TGFBRAP1: variants seen among roughly 807,000 people sequenced by gnomAD.
TGFBRAP1 encodes the protein transforming growth factor-beta receptor-associated protein 1.
TGFBRAP1 carries 20 observed loss-of-function variants against 83.2 expected under a neutral mutation model. The observed-to-expected ratio is 0.24, with a 90% CI of 0.17 to 0.35. TGFBRAP1 has a LOEUF of 0.35. Ranked by LOEUF, TGFBRAP1 falls within the 10% of genes least tolerant of loss-of-function variation. The probability of loss-of-function intolerance (pLI) is 1.00; values close to 1 mark genes in which losing one functional copy is unlikely to be tolerated. For synonymous variants in TGFBRAP1, 415 were observed against 459.8 expected (o/e 0.90, Z 1.25); for missense variants, 950 against 1,099.4 (o/e 0.86, Z 1.92).
At position 105,267,150 on chromosome 2, in the gene TGFBRAP1, T is replaced by G. The variant is rs543988534; in HGVS notation, c.*233A>C. On this transcript the variant is annotated 3_prime_UTR_variant, in exon 12 of 12. Coordinates refer to ENST00000393359, the MANE Select transcript of TGFBRAP1 (RefSeq NM_004257.6). ...GGTGAACTCTTGTATGTTTCTGTTT[T>G]GGGGATTTTTAGGGGTTTTCCATGT... 26 of 522,372 alleles carry G rather than the reference T, an allele frequency of 5.0e-5. No individual in the cohort carries two copies. Among genetic ancestry groups the G allele is most frequent in the African/African-American group, 3.5e-4 (18 of 51,730 alleles). 32.4% of individuals were successfully genotyped at this position (522,372 alleles called of 1,614,324 possible). A position where few individuals can be genotyped will look rare whatever the true frequency, so the allele number is the denominator to read the frequency against.
At chr2:105,296,824 G>T (rs760874397) in intron 3 of TGFBRAP1, among the ~76,000 whole-genome samples, 1 of 123,624 alleles carries the variant, frequency 8.1e-6, no homozygotes, top group Non-Finnish European at 1.6e-5. Flanking sequence ...TGTAGTAAAC[G>T]CATAATACAT....
chr2:105,279,989 G>C (rs1348024161), intron 6 of TGFBRAP1, among the ~76,000 whole-genome samples: 1 of 150,832 alleles, frequency 6.6e-6, no homozygotes, highest in East Asian at 2.0e-4. Context: ...AGTGAGCTGA[G>C]ATCACACCAC....
chr2:105,305,089 T>A (rs1678451069), intron 2 of TGFBRAP1, among the ~76,000 whole-genome samples: 1 of 152,178 alleles, frequency 6.6e-6, no homozygotes, highest in Non-Finnish European at 1.5e-5. Context: ...GCTAATGATG[T>A]GCCCCCTGTA....
chr2:105,268,360 A>C (rs1677020443), intron 11 of TGFBRAP1, among the ~76,000 whole-genome samples: 1 of 152,218 alleles, frequency 6.6e-6, no homozygotes, highest in Admixed American at 6.5e-5. Context: ...ACAGCTGTGA[A>C]TGCGAACACC....
intron 4 of TGFBRAP1, 107 bp downstream of exon 4, chr2:105,296,249 G>A: frequency 1.5e-6 from 2 of 1,309,866 alleles, no homozygotes; most frequent in Non-Finnish European, 2.1e-6. Context: ...TATAAAAGCA[G>A]TGTGTACAGC....
chr2:105,250,907 C>T, the TGFBRAP1 span, among the ~76,000 whole-genome samples: 3 of 152,240 alleles, frequency 2.0e-5, no homozygotes, highest in South Asian at 2.1e-4. Flanking sequence ...CTGCCAGCCT[C>T]GGCCTCCCAA....
intron 8 of TGFBRAP1, among the ~76,000 whole-genome samples, chr2:105,275,305 C>T (rs1004932845): frequency 6.6e-6 from 1 of 152,218 alleles, no homozygotes; most frequent in Non-Finnish European, 1.5e-5. Context: ...CTATGTCTTG[C>T]TTTTCTATAC....
chr2:105,329,702 CT>C lies in TGFBRAP1; in HGVS notation c.-96del, dbSNP rs1175459278. ...CCCGCTCCGGCCCGCGGCTCCTGGG[CT>C]GGCCCGACCCCGCAGCCGCCGCTTC... On this transcript the variant is annotated 5_prime_UTR_variant, in exon 1 of 12. Transcript: ENST00000393359. The C allele has an allele frequency of 1.4e-5, 2 of 147,084 alleles. No homozygotes were observed. Among genetic ancestry groups the C allele is most frequent in the East Asian group, 2.0e-4 (1 of 5,076 alleles). 9.1% of individuals were successfully genotyped at this position (147,084 alleles called of 1,614,324 possible).
intron 1 of TGFBRAP1, among the ~76,000 whole-genome samples, chr2:105,321,632 G>T (rs1679071278): frequency 6.6e-6 from 1 of 152,178 alleles, no homozygotes; most frequent in Non-Finnish European, 1.5e-5. Context: ...GGGGAAAACT[G>T]AACACAGTGG....
intron 11 of TGFBRAP1, among the ~76,000 whole-genome samples, chr2:105,268,199 A>T (rs1677011253): frequency 6.6e-6 from 1 of 152,356 alleles, no homozygotes; most frequent in East Asian, 1.9e-4. Context: ...GCAGCAACTT[A>T]GCGATTCATC....
rs1448715098 is a variant in TGFBRAP1 at position 105,304,807 on chromosome 2, A to G, written c.688+2807T>C. The stretch of plus-strand genomic sequence containing the variant: ...TGGGGGTGGGAAAAGAGAAAACCCT[A>G]TGACTAAGCGAAAGAAGCCAATCTG... On this transcript the variant is annotated intron_variant, in intron 2 of 11. Transcript: ENST00000393359. Among the ~76,000 whole-genome samples, 3 of 152,172 alleles carry G rather than the reference A, an allele frequency of 2.0e-5. No individual in the cohort carries two copies. The East Asian group carries it at 5.8e-4, about 29-fold the overall frequency.
chr2:105,275,753 A>C lies in TGFBRAP1; in HGVS notation c.1522-50T>G, dbSNP rs1677319625. 4 of 1,557,752 alleles carry C rather than the reference A, an allele frequency of 2.6e-6. No individual in the cohort carries two copies. The East Asian group carries it at 9.1e-5, about 35-fold the overall frequency. On this transcript the variant is annotated intron_variant, in intron 7 of 11. Coordinates refer to ENST00000393359, the MANE Select transcript of TGFBRAP1 (RefSeq NM_004257.6). The stretch of plus-strand genomic sequence containing the variant: ...AAGAAAAAGAAAAGAAAAAACAATC[A>C]TAAAGGCACATATCTCAGAATTAGT...
chr2:105,273,416 G>A, intron 9 of TGFBRAP1, 128 bp downstream of exon 9: 1 of 1,316,566 alleles, frequency 7.6e-7, no homozygotes. Flanking sequence ...GCCGCCATCA[G>A]ACCATCAACA....
intron 9 of TGFBRAP1, among the ~76,000 whole-genome samples, 159 bp from the exon 10 acceptor site, chr2:105,273,173 C>T (rs1011058258): frequency 6.6e-6 from 1 of 152,148 alleles, no homozygotes; most frequent in Non-Finnish European, 1.5e-5. Flanking sequence ...AACCATGATA[C>T]TGAGATGAGT....
intron 1 of TGFBRAP1, among the ~76,000 whole-genome samples, chr2:105,320,148 CG>C (rs1558656565): frequency 6.6e-6 from 1 of 152,102 alleles, no homozygotes; most frequent in Non-Finnish European, 1.5e-5. Flanking sequence ...TGGTGTCCTA[CG>C]TGTCTGCAAA....
chr2:105,310,589 G>A (rs974626620), intron 1 of TGFBRAP1, among the ~76,000 whole-genome samples: 2 of 152,114 alleles, frequency 1.3e-5, no homozygotes, highest in Admixed American at 6.6e-5. Context: ...CCTCGGGGCT[G>A]TGGGAACATC....
chr2:105,306,464 A>G (rs1678502981), intron 2 of TGFBRAP1, among the ~76,000 whole-genome samples: 1 of 152,196 alleles, frequency 6.6e-6, no homozygotes, highest in South Asian at 2.1e-4. Flanking sequence ...CCCTGAGAAA[A>G]GGGAGGTCTG....
downstream of TGFBRAP1, among the ~76,000 whole-genome samples, chr2:105,263,258 G>A (rs939164208): frequency 6.6e-6 from 1 of 152,192 alleles, no homozygotes. Context: ...AGATACCAAT[G>A]AGGTAAAAAT....
At chr2:105,296,235 C>A in intron 4 of TGFBRAP1, 121 bp downstream of exon 4, 1 of 1,222,156 alleles carries the variant, frequency 8.2e-7, no homozygotes, top group Admixed American at 2.4e-5. Context: ...AATTAAACAA[C>A]AGATATAAAA....
Sources: allele counts gnomAD v4.1 joint callset (sites outside exome capture counted in the v4.1 genomes callset), GRCh38; gene constraint gnomAD v4.1.1; transcripts MANE v1.5; gene names NCBI Gene and HGNC (gene_info 2026-07-23, HGNC 2026-07-21).